NDST3: variants seen among roughly 807,000 people sequenced by gnomAD.
The protein encoded by NDST3 is N-deacetylase and N-sulfotransferase 3.
Under a neutral mutation model 96.1 loss-of-function variants are expected in NDST3, and 58 were observed. The observed-to-expected ratio is 0.60, with a 90% CI of 0.49 to 0.75. The LOEUF (loss-of-function observed/expected upper bound fraction) is 0.75. Ranked by LOEUF, NDST3 falls within the 30% of genes least tolerant of loss-of-function variation. NDST3 has a pLI of 0.00. For missense variants in NDST3, 788 were observed against 1,034.2 expected, an observed-to-expected ratio of 0.76 and a Z score of 3.27; for synonymous variants, 333 against 359.7, an observed-to-expected ratio of 0.93 and a Z score of 0.84.
chr4:118,047,449 T>C (rs1382129298), intron 1 of NDST3, among the ~76,000 whole-genome samples: 1 of 152,202 alleles, frequency 6.6e-6, no homozygotes, highest in East Asian at 1.9e-4. Context: ...AGAATCTGGA[T>C]GGCAAGAAAG....
chr4:118,127,302 T>C (rs1388929082), intron 4 of NDST3, among the ~76,000 whole-genome samples: 1 of 152,120 alleles, frequency 6.6e-6, no homozygotes. Flanking sequence ...CCCCATGTTT[T>C]CTTATAGTAG....
At chr4:118,100,462 T>C (rs1239581289) in intron 2 of NDST3, among the ~76,000 whole-genome samples, 1 of 152,096 alleles carries the variant, frequency 6.6e-6, no homozygotes, top group East Asian at 1.9e-4. Flanking sequence ...TATCCATATC[T>C]ATTTCCTATC....
intron 1 of NDST3, among the ~76,000 whole-genome samples, chr4:118,048,997 T>C (rs1724924318): frequency 6.6e-6 from 1 of 152,096 alleles, no homozygotes; most frequent in Admixed American, 6.6e-5. Context: ...CTCAATAAAT[T>C]TTAACAAACT....
intron 2 of NDST3, among the ~76,000 whole-genome samples, chr4:118,071,945 C>T (rs906349449): frequency 6.6e-6 from 1 of 152,082 alleles, no homozygotes; most frequent in South Asian, 2.1e-4. Context: ...GCCATTCTGA[C>T]TGGTGTAAGA....
chr4:118,045,583 T>C (rs1402599836), intron 1 of NDST3, among the ~76,000 whole-genome samples: 2 of 152,184 alleles, frequency 1.3e-5, no homozygotes, highest in Non-Finnish European at 2.9e-5. Context: ...ATACCATAAA[T>C]ATCCTACAAT....
chr4:118,173,376 A>C (rs904581905), intron 6 of NDST3, among the ~76,000 whole-genome samples: 2 of 152,100 alleles, frequency 1.3e-5, no homozygotes, highest in African/African-American at 4.8e-5. Context: ...TCATAGCCTT[A>C]GATAGCCTCA....
At chr4:118,057,016 TG>T (rs1725487329) in intron 2 of NDST3, among the ~76,000 whole-genome samples, 2 of 151,866 alleles carry the variant, frequency 1.3e-5, no homozygotes, top group African/African-American at 4.8e-5. Flanking sequence ...TGTGATGATT[TG>T]GAAAGATGTA....
intron 6 of NDST3, among the ~76,000 whole-genome samples, chr4:118,162,721 A>G (rs1009828920): frequency 4.8e-5 from 7 of 147,164 alleles, no homozygotes; most frequent in African/African-American, 1.7e-4. Flanking sequence ...CACCAAAAGC[A>G]ATGGCAACAA....
intron 6 of NDST3, among the ~76,000 whole-genome samples, chr4:118,162,735 A>C (rs4400066): frequency 0.75 from 103,312 of 138,108 alleles, 42,154 homozygotes; most frequent in South Asian, 0.9. Context: ...GCAACAAAAG[A>C]CAAAATTGAC....
intron 3 of NDST3, among the ~76,000 whole-genome samples, chr4:118,106,167 G>T (rs1730166068): frequency 6.6e-6 from 1 of 152,086 alleles, no homozygotes. Context: ...TTTCCTTGAA[G>T]TTTACAGTTC....
chr4:118,213,790 T>C (rs1186286551), intron 6 of NDST3, among the ~76,000 whole-genome samples: 1 of 150,614 alleles, frequency 6.6e-6, no homozygotes, highest in Non-Finnish European at 1.5e-5. Context: ...CAATTCAGAA[T>C]TTTTTTCTTT....
chr4:118,193,950 T>C (rs1737491590), intron 6 of NDST3: 10 of 935,622 alleles, frequency 1.1e-5, no homozygotes, highest in Non-Finnish European at 1.8e-5. Context: ...AAGTACACAG[T>C]GTCCCACTCT....
chr4:118,162,325 C>A (rs1329269515), intron 6 of NDST3, among the ~76,000 whole-genome samples: 1 of 152,178 alleles, frequency 6.6e-6, no homozygotes, highest in East Asian at 1.9e-4. Context: ...AAGCTGGAGG[C>A]ATCACGCTAC....
chr4:118,148,420 C>T (rs538419283), intron 6 of NDST3, among the ~76,000 whole-genome samples: 1 of 152,252 alleles, frequency 6.6e-6, no homozygotes, highest in South Asian at 2.1e-4. Flanking sequence ...ATTAGCTAAC[C>T]CCTTTATGCA....
At chr4:118,234,207 T>A (rs1185182483) in intron 9 of NDST3, among the ~76,000 whole-genome samples, 1 of 150,680 alleles carries the variant, frequency 6.6e-6, no homozygotes, top group African/African-American at 2.5e-5. Flanking sequence ...AAGTCAGGAG[T>A]TTGAGACTAG....
chr4:118,173,745 T>C (rs1578766914), intron 6 of NDST3, among the ~76,000 whole-genome samples: 1 of 152,020 alleles, frequency 6.6e-6, no homozygotes, highest in Non-Finnish European at 1.5e-5. Flanking sequence ...TTAGGGGGAA[T>C]GTAATATATA....
At chr4:118,111,706 T>A (rs1730656764) in intron 3 of NDST3, among the ~76,000 whole-genome samples, 1 of 151,746 alleles carries the variant, frequency 6.6e-6, no homozygotes. Context: ...CTGGCAAAAT[T>A]TTTTTTGTAT....
chr4:118,053,449 C>G (rs1052495482), intron 1 of NDST3, among the ~76,000 whole-genome samples: 8 of 151,892 alleles, frequency 5.3e-5, no homozygotes, highest in African/African-American at 1.9e-4. Context: ...ACTTAGGTGA[C>G]CTCTCCGTGG....
intron 1 of NDST3, among the ~76,000 whole-genome samples, chr4:118,046,382 G>A (rs894121727): frequency 1.3e-5 from 2 of 152,190 alleles, no homozygotes; most frequent in African/African-American, 2.4e-5. Flanking sequence ...GGTAATAGGT[G>A]TCCATAACCC....
Sources: allele counts gnomAD v4.1 joint callset (sites outside exome capture counted in the v4.1 genomes callset), GRCh38; gene constraint gnomAD v4.1.1; transcripts MANE v1.5; gene names NCBI Gene and HGNC (gene_info 2026-07-23, HGNC 2026-07-21).